Variants in BPTF observed in about 807,000 individuals in gnomAD.
BPTF encodes nucleosome-remodeling factor subunit BPTF.
A neutral mutation model predicts 292.5 loss-of-function variants in BPTF; 18 were observed. That is an observed-to-expected ratio of 0.06 (90% CI 0.04 to 0.09). The LOEUF (loss-of-function observed/expected upper bound fraction) is 0.09, where lower values mean the gene tolerates loss of function less well. BPTF is among the 10% of genes least tolerant of loss of function. The probability of loss-of-function intolerance (pLI) is 1.00; values close to 1 mark genes in which losing one functional copy is unlikely to be tolerated. For synonymous variants in BPTF, 1,225 were observed against 1,251.9 expected (o/e 0.98, Z 0.45); for missense variants, 2,726 against 3,498.7 (o/e 0.78, Z 5.57).
chr17:67,978,896 G>T (rs2069924972), intron 27 of BPTF, among the ~76,000 whole-genome samples: 1 of 152,190 alleles, frequency 6.6e-6, no homozygotes, highest in Non-Finnish European at 1.5e-5. Flanking sequence ...TACCCTGTTA[G>T]CTGGGCACGG....
intron 18 of BPTF, among the ~76,000 whole-genome samples, chr17:67,940,138 CT>C (rs1555671174): frequency 6.6e-6 from 1 of 152,110 alleles, no homozygotes; most frequent in Non-Finnish European, 1.5e-5. Context: ...TTTACACATT[CT>C]TTTTTGTCTT....
At chr17:67,897,656 A>C (rs2061541871) in intron 7 of BPTF, among the ~76,000 whole-genome samples, 1 of 152,164 alleles carries the variant, frequency 6.6e-6, no homozygotes, top group African/African-American at 2.4e-5. Context: ...AGTAGGGCAG[A>C]AGCCACACTC....
chr17:67,922,470 T>C (rs995571577), intron 13 of BPTF, among the ~76,000 whole-genome samples: 10 of 152,156 alleles, frequency 6.6e-5, no homozygotes, highest in Non-Finnish European at 1.0e-4. Flanking sequence ...TGAATTCATG[T>C]TGGGGTCCAG....
At chr17:67,926,762 G>A (rs544797457) in intron 15 of BPTF, among the ~76,000 whole-genome samples, 20 of 151,828 alleles carry the variant, frequency 1.3e-4, no homozygotes, top group Admixed American at 1.2e-3. Context: ...TTTAGAGATA[G>A]GGGCTTGCTC....
intron 11 of BPTF, among the ~76,000 whole-genome samples, chr17:67,917,277 C>T (rs1373614396): frequency 4.0e-5 from 6 of 151,590 alleles, no homozygotes; most frequent in African/African-American, 7.3e-5. Context: ...GGATTACAGG[C>T]GCCCGCCACC....
intron 1 of BPTF, among the ~76,000 whole-genome samples, chr17:67,846,994 C>T (rs1375409727): frequency 6.6e-6 from 1 of 152,114 alleles, no homozygotes; most frequent in Non-Finnish European, 1.5e-5. Context: ...AGCCACCAAG[C>T]CCAGCTGGAC....
At position 67,947,732 on chromosome 17, in the gene BPTF, A is replaced by G. The variant is rs1555676148; in HGVS notation, c.7624A>G (p.Met2542Val). The stretch of plus-strand genomic sequence containing the variant: ...GATTTATTCTGTCCTGAAGGTGGTG[A>G]TGAAGCATAATGCTGTAATAGAACA... ...QSEIIQKQVV[M>V]KHNAVIEHLK... Residue 2542 changes from methionine (M) to valine (V), a missense_variant, in exon 22 of 28, where the codon ATG (methionine) becomes GTG (valine). This residue lies in a region of BPTF where 570 missense variants were observed against 633.5 expected (regional missense o/e 0.90). Transcript: ENST00000306378. 4 of 1,554,080 alleles carry G rather than the reference A, an allele frequency of 2.6e-6. No homozygotes were observed. The highest frequency in any genetic ancestry group is 3.5e-6 in the Non-Finnish European group (4 of 1,147,898).
At chr17:67,975,438 A>T (rs1448938484) in intron 26 of BPTF, 2 of 174,574 alleles carry the variant, frequency 1.1e-5, no homozygotes, top group Non-Finnish European at 2.4e-5. Context: ...AATGGTTTGC[A>T]TGTAAAAATG....
intron 23 of BPTF, chr17:67,956,779 T>G (rs1323436782): frequency 1.4e-5 from 2 of 145,268 alleles, no homozygotes; most frequent in African/African-American, 2.6e-5. Flanking sequence ...CTGGCTAACA[T>G]GGTGAAACCC....
At chr17:67,971,143 ATC>A (rs1464376934) in intron 26 of BPTF, among the ~76,000 whole-genome samples, 3 of 152,160 alleles carry the variant, frequency 2.0e-5, no homozygotes, top group Admixed American at 1.3e-4. Context: ...CAGTGGCGCT[ATC>A]TCGGCTCACT....
At chr17:67,841,728 T>A (rs1001971972) in intron 1 of BPTF, among the ~76,000 whole-genome samples, 4 of 152,140 alleles carry the variant, frequency 2.6e-5, no homozygotes, top group African/African-American at 9.7e-5. Flanking sequence ...AAATGGTTTC[T>A]TGTTTGTTTT....
At chr17:67,871,234 T>C (rs1021035822) in intron 3 of BPTF, among the ~76,000 whole-genome samples, 2 of 152,002 alleles carry the variant, frequency 1.3e-5, no homozygotes, top group Non-Finnish European at 2.9e-5. Context: ...TTGAAAGAAT[T>C]ATACAGTTAC....
intron 15 of BPTF, among the ~76,000 whole-genome samples, chr17:67,925,718 A>T (rs4790981): frequency 6.7e-6 from 1 of 149,928 alleles, no homozygotes; most frequent in African/African-American, 2.5e-5. Context: ...TTTAAAAATC[A>T]TATATAAACC....
Position 67,959,641 on chromosome 17 carries a change from C to G in BPTF, c.8027C>G (p.Ala2676Gly), listed in dbSNP as rs782797376. The G allele has an allele frequency of 1.9e-6, 3 of 1,601,296 alleles. No individual in the cohort carries two copies. The Admixed American group carries it at 5.2e-5, about 28-fold the overall frequency. ...GCACCCTGCCCCCCAGTGACACCAG[C>G]TCCTCCAGCCCCTCCAGCCCCTCCA... ...VAAPCPPVTP[A>G]PPAPPAPPPS... Residue 2676 changes from alanine to glycine, a missense_variant, in exon 24 of 28, where the codon GCT becomes GGT. Around this residue, in one of 22 missense-constraint regions of BPTF, gnomAD observed 148 missense variants for 145.5 expected, o/e 1.02. Coordinates refer to ENST00000306378, the MANE Select transcript of BPTF (RefSeq NM_182641.4).
At chr17:67,828,107 T>C (rs1340383864) in intron 1 of BPTF, among the ~76,000 whole-genome samples, 5 of 151,930 alleles carry the variant, frequency 3.3e-5, no homozygotes, top group Admixed American at 2.6e-4. Context: ...AATTTTTGTA[T>C]TTTTAGTAGA....
In BPTF at chr17:67,868,056, TAC is replaced by T. The variant is rs1182157394; in HGVS notation, c.1660+1371_1660+1372del. Among the ~76,000 whole-genome samples, 6 of 152,348 alleles carry T rather than the reference TAC, an allele frequency of 3.9e-5. No homozygotes were observed. The East Asian group carries it at 1.2e-3, about 29-fold the overall frequency. ...TTTCAGGCATTTATTTCTATGAGTA[TAC>T]ATTCATGGATATTTTATACTTACTG... On this transcript the variant is annotated intron_variant, in intron 3 of 27. Transcript: ENST00000306378.
Position 67,911,497 on chromosome 17 carries a change from A to G in BPTF, c.3613A>G (p.Lys1205Glu), listed in dbSNP as rs1434155169. The G allele has an allele frequency of 6.2e-7, 1 of 1,613,688 alleles. No individual in the cohort carries two copies. The highest frequency in any genetic ancestry group is 1.3e-5 in the African/African-American group (1 of 74,840). Residue 1205 changes from lysine (K) to glutamate (E), a missense_variant, in exon 11 of 28, where the codon AAG becomes GAG. Physicochemically the swap from Lys to Glu is moderately conservative, Grantham distance 56. Around this residue, in one of 22 missense-constraint regions of BPTF, gnomAD observed 713 missense variants for 714.9 expected, o/e 1.00. Transcript: ENST00000306378. ...TGCCAGTAGAGGCCAGGAACCCAGTAAGAGTAAAACAAAAGGAAATGATTT... is the reference window on the plus strand; with the variant it reads ...TGCCAGTAGAGGCCAGGAACCCAGTGAGAGTAAAACAAAAGGAAATGATTT... Reference protein sequence around the residue: ...DLASRGQEPSKSKTKGNDFFI... With the variant: ...DLASRGQEPSESKTKGNDFFI...
chr17:67,860,216 G>A (rs2058994792), intron 2 of BPTF, among the ~76,000 whole-genome samples: 3 of 152,086 alleles, frequency 2.0e-5, no homozygotes, highest in Admixed American at 6.5e-5. Flanking sequence ...AGTGATATGT[G>A]TCAACAATTT....
intron 4 of BPTF, among the ~76,000 whole-genome samples, chr17:67,878,345 A>G (rs1397394221): frequency 6.6e-6 from 1 of 152,154 alleles, no homozygotes; most frequent in East Asian, 1.9e-4. Flanking sequence ...GAATAATACT[A>G]TTATGAATAT....
Sources: gnomAD v4.1 joint callset for allele counts (sites outside exome capture counted in the v4.1 genomes callset) on GRCh38, gnomAD v4.1.1 for gene constraint, gnomAD v4.1.1 regional missense constraint, MANE v1.5 for transcripts, NCBI Gene and HGNC (gene_info 2026-07-23, HGNC 2026-07-21) for gene names.